Variants in STK16 observed in about 807,000 individuals in gnomAD.
The protein encoded by STK16 is serine/threonine-protein kinase 16.
A neutral mutation model predicts 37.8 loss-of-function variants in STK16; 28 were observed. The observed-to-expected ratio is 0.74, with a 90% CI of 0.55 to 1.02. The LOEUF (loss-of-function observed/expected upper bound fraction) is 1.02, where lower values mean the gene tolerates loss of function less well. Ranked by LOEUF, STK16 falls within the 50% of genes least tolerant of loss-of-function variation. The pLI is 0.00. For missense variants in STK16, 349 were observed against 390.6 expected, an observed-to-expected ratio of 0.89 and a Z score of 0.90; for synonymous variants, 134 against 155.0, an observed-to-expected ratio of 0.86 and a Z score of 1.01.
At chr2:219,248,014 C>A in intron 6 of STK16, 179 bp from the exon 7 acceptor site, 2 of 980,268 alleles carry the variant, frequency 2.0e-6, no homozygotes, top group Non-Finnish European at 3.1e-6. Flanking sequence ...AGGGGCTAAG[C>A]TAAACAGGGG....
chr2:219,245,701 G>A lies in STK16; in HGVS notation c.-200G>A. On this transcript the variant is annotated 5_prime_UTR_variant, in exon 1 of 8. An upstream open reading frame in the 5' UTR gains an earlier in-frame stop. Transcript: ENST00000396738. ...AAGATGGGCTGGGGTTGGAGGAAGT[G>A]GCCCGGTAGCCGCTGTGTGTCCTGA... The A allele has an allele frequency of 4.3e-6, 1 of 229,980 alleles. No individual in the cohort carries two copies. The highest frequency in any genetic ancestry group is 8.6e-6 in the Non-Finnish European group (1 of 115,750). 14.2% of individuals were successfully genotyped at this position (229,980 alleles called of 1,614,324 possible).
Position 219,247,096 on chromosome 2 carries a change from G to A in STK16, c.307-17G>A, listed in dbSNP as rs963618207. 2.5e-6 allele frequency: 4 copies of A among 1,614,156 alleles called. No individual in the cohort carries two copies. The highest frequency in any genetic ancestry group is 2.5e-6 in the Non-Finnish European group (3 of 1,179,996). On this transcript the variant is annotated splice_polypyrimidine_tract_variant and intron_variant, in intron 3 of 7. Coordinates refer to ENST00000396738, the MANE Select transcript of STK16 (RefSeq NM_001330213.2). The stretch of plus-strand genomic sequence containing the variant: ...GCTCCAAAAACATCTCCAACTGTAG[G>A]GAAACTTGTGTTGCAGAGAGGTACG...
Position 219,247,145 on chromosome 2 carries a change from G to C in STK16, c.339G>C (p.Leu113=), listed in dbSNP as rs754583720. The C allele has an allele frequency of 4.5e-5, 72 of 1,614,126 alleles. No individual in the cohort carries two copies. The highest frequency in any genetic ancestry group is 5.3e-5 in the Non-Finnish European group (63 of 1,180,052). ...CGCTGTGGAATGAGATAGAAAGGCT[G>C]AAGGACAAAGGCAACTTCCTGACCG... ...RGTLWNEIER[L]KDKGNFLTED... Residue 113 remains leucine, a synonymous_variant, in exon 4 of 8, where the codon CTG becomes CTC. Coordinates refer to ENST00000396738, the MANE Select transcript of STK16 (RefSeq NM_001330213.2).
rs1345334608 is a variant in STK16, at chr2:219,248,452, T to TCGATGATGA, written c.813_821dup (p.Met272_Thr274dup). On this transcript the variant is annotated inframe_insertion, in exon 8 of 8. Transcript: ENST00000396738. ...TTCAGCATTGCGGCAGCTCCTGAAC[T>TCGATGATGA]CGATGATGACCGTGGACCCGCATCA... The TCGATGATGA allele has an allele frequency of 1.2e-6, 2 of 1,614,118 alleles. No homozygotes were observed. Among genetic ancestry groups the TCGATGATGA allele is most frequent in the South Asian group, 2.2e-5 (2 of 91,082 alleles).
rs11556349 is a variant in STK16, at chr2:219,250,304, C to T, written c.*1745C>T. 0.011 allele frequency: 16,995 copies of T among 1,552,174 alleles called. 382 individuals carry two copies. Among genetic ancestry groups the T allele is most frequent in the Admixed American group, 0.093 (4,751 of 50,932 alleles). Reference sequence around the variant, plus strand: ...AACCGTGCAAGGAAACTGTTTATTTCGAAAGGATTTTGCAATAAACATAGT... The same window carrying T: ...AACCGTGCAAGGAAACTGTTTATTTTGAAAGGATTTTGCAATAAACATAGT... On this transcript the variant is annotated 3_prime_UTR_variant, in exon 8 of 8. Transcript: ENST00000396738. This position sits in a 1 kb window ranked among gnomAD's most constrained non-coding sequence, Gnocchi z 8.4.
Position 219,247,086 on chromosome 2 carries a change from C to G in STK16, c.307-27C>G. 1.9e-6 allele frequency: 3 copies of G among 1,613,912 alleles called. No individual in the cohort carries two copies. The Admixed American group carries it at 5.0e-5, about 27-fold the overall frequency. On this transcript the variant is annotated intron_variant, in intron 3 of 7. Coordinates refer to ENST00000396738, the MANE Select transcript of STK16 (RefSeq NM_001330213.2). ...AGGAGCAGAGGCTCCAAAAACATCTCCAACTGTAGGGAAACTTGTGTTGCA... is the reference window on the plus strand; with the variant it reads ...AGGAGCAGAGGCTCCAAAAACATCTGCAACTGTAGGGAAACTTGTGTTGCA...
Position 219,246,641 on chromosome 2 carries a change from C to A in STK16, c.87-16C>A. On this transcript the variant is annotated splice_polypyrimidine_tract_variant and intron_variant, in intron 2 of 7. Transcript: ENST00000396738. The surrounding 1 kb of genome is among the most constrained non-coding windows in gnomAD (Gnocchi z 4.5). ...GGAGATGACCATGGCCCTTTATTGA[C>A]CCCTTTGGCCCACAGTGGGTTCAGC... is the stretch of plus-strand genomic sequence containing the variant. 1.9e-6 allele frequency: 3 copies of A among 1,608,706 alleles called. No homozygotes were observed. The highest frequency in any genetic ancestry group is 2.6e-6 in the Non-Finnish European group (3 of 1,175,148).
At position 219,247,732 on chromosome 2, in the gene STK16, T is replaced by C; in HGVS notation, c.632T>C (p.Val211Ala). The C allele has an allele frequency of 6.3e-7, 1 of 1,593,428 alleles. No individual in the cohort carries two copies. The highest frequency in any genetic ancestry group is 1.8e-5 in the Admixed American group (1 of 55,738). ...CTCTTCTCTGTGCAGAGTCACTGTG[T>C]CATCGATGAGCGGACTGATGTCTGG... is the stretch of plus-strand genomic sequence containing the variant. ...PELFSVQSHC[V>A]IDERTDVWSL... is the part of the protein sequence containing the mutation. Residue 211 changes from valine (V) to alanine (A), a missense_variant, in exon 6 of 8, where the codon GTC (valine) becomes GCC (alanine). Val to Ala is a moderately conservative substitution (Grantham distance 64). Transcript: ENST00000396738.
rs746427181 is a variant in STK16, at chr2:219,248,327, C to T, written c.779+13C>T. The T allele has an allele frequency of 1.6e-5, 26 of 1,614,002 alleles. No homozygotes were observed. The highest frequency in any genetic ancestry group is 1.6e-4 in the Middle Eastern group (1 of 6,062). ...CACAAAGCCCCAGGTGAGTGAGCAA[C>T]GAATAGGGCATCAAGTGTTTCAGAC... On this transcript the variant is annotated intron_variant, in intron 7 of 7. Coordinates refer to ENST00000396738, the MANE Select transcript of STK16 (RefSeq NM_001330213.2).
rs1951618721 is a variant in STK16 at position 219,250,031 on chromosome 2, G to T, written c.*1472G>T. 1 of 295,460 alleles carries T rather than the reference G, an allele frequency of 3.4e-6. No individual in the cohort carries two copies. Among genetic ancestry groups the T allele is most frequent in the Non-Finnish European group, 6.4e-6 (1 of 156,166 alleles). 18.3% of individuals were successfully genotyped at this position (295,460 alleles called of 1,614,324 possible). A position where few individuals can be genotyped will look rare whatever the true frequency, so the allele number is the denominator to read the frequency against. ...AAACCACTGGATTATACTCCTACTT[G>T]GAAAGGAGCTGAAGACTCATCCTTC... On this transcript the variant is annotated 3_prime_UTR_variant, in exon 8 of 8. Coordinates refer to ENST00000396738, the MANE Select transcript of STK16 (RefSeq NM_001330213.2). This position sits in a 1 kb window ranked among gnomAD's most constrained non-coding sequence, Gnocchi z 8.4.
Position 219,246,560 on chromosome 2 carries a change from A to T in STK16, c.87-97A>T. Reference sequence around the variant, plus strand: ...CCACATCTTGGGAAGGTTTCTGCTAAATGGGAAGGACACCCCACTCCCCAC... The same window carrying T: ...CCACATCTTGGGAAGGTTTCTGCTATATGGGAAGGACACCCCACTCCCCAC... On this transcript the variant is annotated intron_variant, in intron 2 of 7. Coordinates refer to ENST00000396738, the MANE Select transcript of STK16 (RefSeq NM_001330213.2). This position sits in a 1 kb window ranked among gnomAD's most constrained non-coding sequence, Gnocchi z 4.5. The T allele has an allele frequency of 3.3e-6, 3 of 914,110 alleles. No homozygotes were observed. Among genetic ancestry groups the T allele is most frequent in the Admixed American group, 2.0e-5 (1 of 50,958 alleles). 56.6% of individuals were successfully genotyped at this position (914,110 alleles called of 1,614,324 possible).
Position 219,250,222 on chromosome 2 carries a change from G to A in STK16, c.*1663G>A, listed in dbSNP as rs1253607488. ...ATAAGGGTCATGAACAGCAAACAGA[G>A]CAGCAGCAGCATGAAGGGGAAGGCA... On this transcript the variant is annotated 3_prime_UTR_variant, in exon 8 of 8. Transcript: ENST00000396738. This position sits in a 1 kb window ranked among gnomAD's most constrained non-coding sequence, Gnocchi z 8.4. The A allele has an allele frequency of 3.0e-6, 4 of 1,316,816 alleles. No individual in the cohort carries two copies. In the African/African-American group the frequency reaches 4.4e-5, roughly 15 times the overall value. 81.6% of individuals were successfully genotyped at this position (1,316,816 alleles called of 1,614,324 possible).
Position 219,246,586 on chromosome 2 carries a change from C to T in STK16, c.87-71C>T. The T allele has an allele frequency of 7.7e-7, 1 of 1,299,100 alleles. No homozygotes were observed. The highest frequency in any genetic ancestry group is 1.2e-5 in the South Asian group (1 of 82,668). The allele number at this position is 1,299,100 out of a possible 1,614,324, so 80.5% of individuals were successfully genotyped here. Reference sequence around the variant, plus strand: ...ATGGGAAGGACACCCCACTCCCCACCAGGAAATTTCTCTAGGTCCAAGCCA... The same window carrying T: ...ATGGGAAGGACACCCCACTCCCCACTAGGAAATTTCTCTAGGTCCAAGCCA... On this transcript the variant is annotated intron_variant, in intron 2 of 7. Transcript: ENST00000396738. This position sits in a 1 kb window ranked among gnomAD's most constrained non-coding sequence, Gnocchi z 4.5.
chr2:219,246,835 G>A lies in STK16; in HGVS notation c.265G>A (p.Gly89Ser), dbSNP rs1489272239. ...CGTGGCTTACTGTCTGAGGGAACGG[G>A]GTGCTAAGCATGAGGCCTGGCTGCT... The part of the protein sequence containing the change: ...RLVAYCLRER[G>S]AKHEAWLLLP... The change falls in exon 3 of 8, where the codon GGT becomes AGT. Residue 89 changes from glycine (G) to serine (S), a missense_variant. Gly to Ser is a moderately conservative substitution (Grantham distance 56, BLOSUM62 0). Transcript: ENST00000396738. This position sits in a 1 kb window ranked among gnomAD's most constrained non-coding sequence, Gnocchi z 4.5. The A allele has an allele frequency of 1.2e-6, 2 of 1,613,896 alleles. No homozygotes were observed. Among genetic ancestry groups the A allele is most frequent in the South Asian group, 2.2e-5 (2 of 91,054 alleles).
chr2:219,248,471 C>G lies in STK16; in HGVS notation c.830C>G (p.Pro277Arg). The G allele has an allele frequency of 6.2e-7, 1 of 1,614,148 alleles. No homozygotes were observed. Among genetic ancestry groups the G allele is most frequent in the Admixed American group, 1.7e-5 (1 of 60,026 alleles). Residue 277 changes from proline (P) to arginine (R), a missense_variant, in exon 8 of 8, where the codon CCG (proline) becomes CGG (arginine). By Grantham distance (103) the Pro-to-Arg change is moderately radical (BLOSUM62 -2). Coordinates refer to ENST00000396738, the MANE Select transcript of STK16 (RefSeq NM_001330213.2). ...QLLNSMMTVD[P>R]HQRPHIPLLL... ...CTGAACTCGATGATGACCGTGGACC[C>G]GCATCAGCGTCCTCACATTCCTCTC...
Position 219,248,736 on chromosome 2 carries a change from T to C in STK16, c.*177T>C. 4.0e-6 allele frequency: 1 copy of C among 251,206 alleles called. No individual in the cohort carries two copies. 15.6% of individuals were successfully genotyped at this position (251,206 alleles called of 1,614,324 possible). A position where few individuals can be genotyped will look rare whatever the true frequency, so the allele number is the denominator to read the frequency against. ...CTTTCTTCCCTCCAAGAGCAAAACC[T>C]GGGCAAGGGGACTTACTGAGTGGGG... On this transcript the variant is annotated 3_prime_UTR_variant, in exon 8 of 8. Transcript: ENST00000396738.
rs774376957 is a variant in STK16, at chr2:219,246,028, G to A, written c.29G>A (p.Arg10Gln). The change falls in exon 2 of 8, where the codon CGG (arginine) becomes CAG (glutamine). Residue 10 changes from arginine (R) to glutamine (Q), a missense_variant. Physicochemically the swap from Arg to Gln is conservative, Grantham distance 43. Transcript: ENST00000396738. The surrounding 1 kb of genome is among the most constrained non-coding windows in gnomAD (Gnocchi z 4.5). Reference sequence around the variant, plus strand: ...GGCCACGCGCTGTGTGTCTGCTCTCGGGGAACTGTCATCATTGACAATAAG... The same window carrying A: ...GGCCACGCGCTGTGTGTCTGCTCTCAGGGAACTGTCATCATTGACAATAAG... MGHALCVCS[R>Q]GTVIIDNKRY... 4 of 1,613,850 alleles carry A rather than the reference G, an allele frequency of 2.5e-6. No individual in the cohort carries two copies. In the African/African-American group the frequency reaches 4.0e-5, roughly 16 times the overall value.
chr2:219,247,148 G>A lies in STK16; in HGVS notation c.342G>A (p.Lys114=). Residue 114 remains lysine (K), a synonymous_variant, in exon 4 of 8, where the codon AAG becomes AAA. Transcript: ENST00000396738. ...TGTGGAATGAGATAGAAAGGCTGAA[G>A]GACAAAGGCAACTTCCTGACCGAGG... ...GTLWNEIERL[K]DKGNFLTEDQ... The A allele has an allele frequency of 6.2e-7, 1 of 1,614,210 alleles. No homozygotes were observed. Among genetic ancestry groups the A allele is most frequent in the Non-Finnish European group, 8.5e-7 (1 of 1,180,038 alleles).
At position 219,246,097 on chromosome 2, in the gene STK16, G is replaced by A; in HGVS notation, c.86+12G>A. ...AAACTGGGGGAGGGGTGAGTGTTTGGAAGTCAGTTAACTAGTCCTCAAGTT... is the reference window on the plus strand; with the variant it reads ...AAACTGGGGGAGGGGTGAGTGTTTGAAAGTCAGTTAACTAGTCCTCAAGTT... On this transcript the variant is annotated intron_variant, in intron 2 of 7. Coordinates refer to ENST00000396738, the MANE Select transcript of STK16 (RefSeq NM_001330213.2). The surrounding 1 kb of genome is among the most constrained non-coding windows in gnomAD (Gnocchi z 4.5). The A allele has an allele frequency of 6.2e-7, 1 of 1,611,932 alleles. No homozygotes were observed. The highest frequency in any genetic ancestry group is 8.5e-7 in the Non-Finnish European group (1 of 1,178,388).
Sources: gnomAD v4.1 joint callset for allele counts on GRCh38, gnomAD v4.1.1 for gene constraint, Gnocchi (gnomAD v3.1) non-coding constraint, MANE v1.5 for transcripts, NCBI Gene and HGNC (gene_info 2026-07-23, HGNC 2026-07-21) for gene names.